NLRC3: variants seen among roughly 807,000 people sequenced by gnomAD.
NLRC3 encodes NLR family CARD domain containing 3.
NLRC3 carries 87 observed loss-of-function variants against 91.6 expected under a neutral mutation model. The ratio of observed to expected loss-of-function variants is 0.95; its 90% CI spans 0.80 to 1.14. The LOEUF (loss-of-function observed/expected upper bound fraction) is 1.14. Among genes scored for constraint, NLRC3 ranks in the 50% most tolerant of loss-of-function variants. NLRC3 has a pLI of 0.00. For synonymous variants in NLRC3, 694 were observed against 625.3 expected (o/e 1.11, Z -1.64); for missense variants, 1,577 against 1,418.6 (o/e 1.11, Z -1.79).
chr16:3,563,041 C>G lies in NLRC3; in HGVS notation c.1896G>C (p.Leu632=). The change falls in exon 5 of 20, where the codon CTG becomes CTC. Residue 632 remains leucine (L), a synonymous_variant. Coordinates refer to ENST00000359128, the MANE Select transcript of NLRC3 (RefSeq NM_178844.4). ...LSLSQGVLQS[L]LPQLLYCRKL... is the part of the protein sequence containing the mutation. ...TCCGGCAGTAGAGCAGCTGGGGCAG[C>G]AGGCTCTGAAGGACGCCCTGGCTGA... 1 of 1,558,316 alleles carries G rather than the reference C, an allele frequency of 6.4e-7. No individual in the cohort carries two copies. Among genetic ancestry groups the G allele is most frequent in the Non-Finnish European group, 8.7e-7 (1 of 1,151,544 alleles).
chr16:3,566,855 C>G (rs982902326), intron 2 of NLRC3, among the ~76,000 whole-genome samples: 7 of 152,200 alleles, frequency 4.6e-5, no homozygotes, highest in Non-Finnish European at 1.0e-4. Context: ...TGCGCCACTG[C>G]ACTCCAGTCG....
At chr16:3,554,489 G>A (rs914465353) in intron 8 of NLRC3, among the ~76,000 whole-genome samples, 164 bp from the exon 9 acceptor site, 1 of 152,228 alleles carries the variant, frequency 6.6e-6, no homozygotes, top group East Asian at 1.9e-4. Flanking sequence ...TTGCACCACT[G>A]CCTGGGGCTT....
intron 17 of NLRC3, 172 bp downstream of exon 17, chr16:3,543,253 G>A (rs975647551): frequency 6.4e-5 from 39 of 609,496 alleles, no homozygotes; most frequent in African/African-American, 4.8e-4. Context: ...AAATGATAGC[G>A]ACTCCCAGGG....
intron 1 of NLRC3, among the ~76,000 whole-genome samples, chr16:3,567,718 G>A (rs1389788654): frequency 7.6e-6 from 1 of 132,370 alleles, no homozygotes; most frequent in East Asian, 2.4e-4. Context: ...GTTGCAGTGA[G>A]CTGAGATCAC....
chr16:3,563,207 G>C lies in NLRC3; in HGVS notation c.1730C>G (p.Thr577Ser). Residue 577 changes from threonine to serine, a missense_variant, in exon 5 of 20, where the codon ACC becomes AGC. By Grantham distance (58) the Thr-to-Ser change is moderately conservative. Coordinates refer to ENST00000359128, the MANE Select transcript of NLRC3 (RefSeq NM_178844.4). Reference sequence around the variant, plus strand: ...CTCCTCCACGCTGCGGGCCAGCTCGGTGTGCTGCAGCTCATGCAGGCAGTG... The same window carrying C: ...CTCCTCCACGCTGCGGGCCAGCTCGCTGTGCTGCAGCTCATGCAGGCAGTG... ...VLHCLHELQH[T>S]ELARSVEEAM... 6.3e-7 allele frequency: 1 copy of C among 1,598,518 alleles called. No homozygotes were observed. Among genetic ancestry groups the C allele is most frequent in the Non-Finnish European group, 8.5e-7 (1 of 1,175,086 alleles).
At chr16:3,575,409 A>T (rs928369885) in intron 1 of NLRC3, among the ~76,000 whole-genome samples, 1 of 152,188 alleles carries the variant, frequency 6.6e-6, no homozygotes, top group Non-Finnish European at 1.5e-5. Context: ...GGCCCCTGTG[A>T]GCGCAGCTGA....
intron 6 of NLRC3, among the ~76,000 whole-genome samples, chr16:3,558,924 A>G (rs1055656251): frequency 6.6e-6 from 1 of 152,070 alleles, no homozygotes; most frequent in Non-Finnish European, 1.5e-5. Context: ...GGTGCACGCC[A>G]CCACACCTGG....
intron 16 of NLRC3, chr16:3,544,000 A>G (rs2038549930): frequency 4.2e-6 from 2 of 479,932 alleles, no homozygotes; most frequent in East Asian, 3.6e-5. Context: ...CTAAAAATAC[A>G]AAAATTAGGC....
At position 3,577,385 on chromosome 16, in the gene NLRC3, C is replaced by G. The variant is rs896750502; in HGVS notation, c.-405G>C. The G allele has an allele frequency of 3.5e-6, 2 of 568,914 alleles. No individual in the cohort carries two copies. The highest frequency in any genetic ancestry group is 3.2e-5 in the Admixed American group (1 of 31,312). 35.2% of individuals were successfully genotyped at this position (568,914 alleles called of 1,614,324 possible). A position where few individuals can be genotyped will look rare whatever the true frequency, so the allele number is the denominator to read the frequency against. ...CCTTCTGCAGCCCCACCGAGCCCAC[C>G]GGCTGTCCCTGTGGCTCCGGGTCCT... On this transcript the variant is annotated 5_prime_UTR_variant, in exon 1 of 20. Transcript: ENST00000359128.
rs781757676 is a variant in NLRC3 at position 3,564,878 on chromosome 16, C to T, written c.159G>A (p.Pro53=). The change falls in exon 4 of 20, where the codon CCG becomes CCA. Residue 53 remains proline (P), a synonymous_variant. Transcript: ENST00000359128. The surrounding 1 kb of genome is among the most constrained non-coding windows in gnomAD (Gnocchi z 5.9). The part of the protein sequence containing the change: ...PQALDRTPDA[P]LGPCSNDSRI... Reference sequence around the variant, plus strand: ...TCCTACCATTGCTGCAGGGCCCCAGCGGGGCATCCGGTGTCCTATCCAGGG... The same window carrying T: ...TCCTACCATTGCTGCAGGGCCCCAGTGGGGCATCCGGTGTCCTATCCAGGG... 18 of 1,606,856 alleles carry T rather than the reference C, an allele frequency of 1.1e-5. No individual in the cohort carries two copies. Among genetic ancestry groups the T allele is most frequent in the East Asian group, 2.2e-5 (1 of 44,820 alleles).
intron 6 of NLRC3, among the ~76,000 whole-genome samples, chr16:3,560,045 T>C (rs1488704995): frequency 6.6e-6 from 1 of 152,206 alleles, no homozygotes; most frequent in East Asian, 1.9e-4. Flanking sequence ...CAGTGCCTTA[T>C]TTTTGTTACT....
intron 1 of NLRC3, among the ~76,000 whole-genome samples, chr16:3,571,833 G>A (rs1344796798): frequency 7.9e-5 from 12 of 151,466 alleles, no homozygotes; most frequent in Non-Finnish European, 7.4e-5. Flanking sequence ...CCGGCTACTC[G>A]GGAGGCTGAG....
intron 1 of NLRC3, among the ~76,000 whole-genome samples, chr16:3,568,172 A>C (rs1177002390): frequency 1.2e-4 from 19 of 152,214 alleles, no homozygotes; most frequent in Admixed American, 1.2e-3. Context: ...ATGATAAAAG[A>C]AGCTTAGCAA....
intron 1 of NLRC3, among the ~76,000 whole-genome samples, chr16:3,571,991 A>G (rs1021662573): frequency 6.6e-6 from 1 of 151,698 alleles, no homozygotes; most frequent in Admixed American, 6.6e-5. Flanking sequence ...AGATGCCATA[A>G]AGTTGAAAGA....
chr16:3,543,711 G>A lies in NLRC3; in HGVS notation c.2856-203C>T, dbSNP rs908962467. The A allele has an allele frequency of 4.8e-5, 28 of 578,258 alleles. No homozygotes were observed. The Admixed American group carries it at 7.7e-4, about 16-fold the overall frequency. 35.8% of individuals were successfully genotyped at this position (578,258 alleles called of 1,614,324 possible). A position where few individuals can be genotyped will look rare whatever the true frequency, so the allele number is the denominator to read the frequency against. The stretch of plus-strand genomic sequence containing the variant: ...ACAGAGATCTGGATGCTAAGGAGAT[G>A]AGAAATAGAGGCTGTCCCTGGAAGG... On this transcript the variant is annotated intron_variant, in intron 16 of 19. Coordinates refer to ENST00000359128, the MANE Select transcript of NLRC3 (RefSeq NM_178844.4).
chr16:3,548,068 A>G, intron 15 of NLRC3, 67 bp downstream of exon 15: 1 of 1,069,178 alleles, frequency 9.4e-7, no homozygotes, highest in Non-Finnish European at 1.4e-6. Context: ...CCTGATGGGT[A>G]CCAGGTTTTC....
chr16:3,542,807 G>A, intron 17 of NLRC3, 32 bp from the exon 18 acceptor site: 2 of 1,492,342 alleles, frequency 1.3e-6, no homozygotes, highest in Non-Finnish European at 1.8e-6. Context: ...CTAAGGCATG[G>A]GTACAGGCTG....
intron 8 of NLRC3, among the ~76,000 whole-genome samples, chr16:3,555,360 A>G (rs552102988): frequency 3.5e-4 from 54 of 152,280 alleles, no homozygotes; most frequent in African/African-American, 1.2e-3. Context: ...ATATAAATCT[A>G]TTTACATGAA....
chr16:3,547,789 C>T (rs1396143722), intron 15 of NLRC3, among the ~76,000 whole-genome samples: 1 of 152,152 alleles, frequency 6.6e-6, no homozygotes, highest in Non-Finnish European at 1.5e-5. Context: ...CTGCCTCAGC[C>T]TCCCGAGTAG....
Sources: allele counts gnomAD v4.1 joint callset (sites outside exome capture counted in the v4.1 genomes callset), GRCh38; gene constraint gnomAD v4.1.1; non-coding constraint Gnocchi (gnomAD v3.1); transcripts MANE v1.5; gene names NCBI Gene and HGNC (gene_info 2026-07-23, HGNC 2026-07-21).